MED6: variants seen among roughly 807,000 people sequenced by gnomAD.
The protein encoded by MED6 is mediator of RNA polymerase II transcription subunit 6.
In MED6, 33 loss-of-function variants were observed where a neutral mutation model predicts 37.5. The ratio of observed to expected loss-of-function variants is 0.88; its 90% confidence interval spans 0.67 to 1.18. MED6 has a LOEUF of 1.18. MED6 is among the 50% of genes most tolerant of loss of function. The pLI, the probability that MED6 is intolerant of heterozygous loss-of-function variation, is 0.00. For synonymous variants in MED6, 94 were observed against 93.6 expected (o/e 1.00, Z -0.02); for missense variants, 235 against 290.6 (o/e 0.81, Z 1.39).
intron 5 of MED6, chr14:70,591,864 T>C (rs1884880752): frequency 6.6e-6 from 1 of 152,140 alleles, no homozygotes; most frequent in Admixed American, 6.6e-5. Context: ...AAACAGAAAA[T>C]TATGAAGACA....
intron 2 of MED6, 130 bp from the exon 3 acceptor site, chr14:70,596,832 T>A (rs563041505): frequency 6.3e-6 from 4 of 630,844 alleles, no homozygotes; most frequent in Non-Finnish European, 1.1e-5. Context: ...TTTGGTGTTA[T>A]AATCTGGCTG....
At chr14:70,593,923 A>G (rs1277371968) in intron 3 of MED6, among the ~76,000 whole-genome samples, 6 of 152,168 alleles carry the variant, frequency 3.9e-5, no homozygotes, top group Admixed American at 3.9e-4. Flanking sequence ...TAGTGAGGCT[A>G]CTGCCGTCTT....
chr14:70,598,349 C>T (rs150192674), intron 1 of MED6, among the ~76,000 whole-genome samples: 7,563 of 152,032 alleles, frequency 0.05, 365 homozygotes, highest in African/African-American at 0.13. Flanking sequence ...GTGGTGGACA[C>T]CTGTAATCCT....
intron 3 of MED6, 115 bp downstream of exon 3, chr14:70,596,496 T>A (rs1287626590): frequency 2.9e-6 from 2 of 692,360 alleles, no homozygotes; most frequent in Non-Finnish European, 4.9e-6. Flanking sequence ...TGAACATGTA[T>A]GTGGTCTTGG....
chr14:70,597,942 G>T (rs997581696), intron 1 of MED6, 165 bp from the exon 2 acceptor site: 1 of 438,842 alleles, frequency 2.3e-6, no homozygotes, highest in Admixed American at 4.6e-5. Context: ...ATGCAAGAAA[G>T]CAATAACATG....
chr14:70,592,245 G>A (rs1392828146), intron 5 of MED6, among the ~76,000 whole-genome samples: 1 of 152,184 alleles, frequency 6.6e-6, no homozygotes, highest in Non-Finnish European at 1.5e-5. Flanking sequence ...GATGAAGACA[G>A]TAGCAGATTA....
At chr14:70,595,713 G>A (rs1885024138) in intron 3 of MED6, 4 of 760,800 alleles carry the variant, frequency 5.3e-6, no homozygotes, top group Non-Finnish European at 9.3e-6. Context: ...CTTCAATCTT[G>A]GTGACGCCCT....
chr14:70,587,700 T>C (rs1884750655), intron 6 of MED6, among the ~76,000 whole-genome samples: 1 of 152,228 alleles, frequency 6.6e-6, no homozygotes, highest in South Asian at 2.1e-4. Context: ...GATGGGGATA[T>C]ATAACAAGAG....
At chr14:70,588,452 G>A (rs540517672) in intron 6 of MED6, among the ~76,000 whole-genome samples, 4 of 152,158 alleles carry the variant, frequency 2.6e-5, no homozygotes, top group South Asian at 2.1e-4. Flanking sequence ...TTGGGAGGCC[G>A]AGATGGGCAG....
chr14:70,591,218 G>T, intron 6 of MED6, 48 bp downstream of exon 6: 1 of 1,318,302 alleles, frequency 7.6e-7, no homozygotes, highest in Non-Finnish European at 1.1e-6. Context: ...TAATATATAT[G>T]CCATAAAGAA....
intron 3 of MED6, chr14:70,595,677 CG>C: frequency 1.1e-6 from 1 of 936,078 alleles, no homozygotes; most frequent in Non-Finnish European, 1.7e-6. Context: ...CACCACCTAC[CG>C]CCGCCTGCTG....
intron 3 of MED6, 161 bp downstream of exon 3, chr14:70,596,450 C>A (rs1885048920): frequency 7.3e-6 from 4 of 548,620 alleles, no homozygotes; most frequent in Non-Finnish European, 1.3e-5. Flanking sequence ...TAAGTACAAC[C>A]ATATGCTAAG....
At chr14:70,595,300 A>G (rs150875546) in intron 3 of MED6, 8 of 546,398 alleles carry the variant, frequency 1.5e-5, no homozygotes, top group African/African-American at 7.5e-5. Context: ...GAGACATCCT[A>G]ATACGAAGAG....
At chr14:70,596,028 C>A (rs772931499) in intron 3 of MED6, among the ~76,000 whole-genome samples, 2 of 152,160 alleles carry the variant, frequency 1.3e-5, no homozygotes, top group Non-Finnish European at 2.9e-5. Context: ...CTCCAAGAGT[C>A]CTGGTATCCA....
chr14:70,583,783 G>T lies in MED6; in HGVS notation c.*1030C>A, dbSNP rs968773022. 8 of 264,116 alleles carry T rather than the reference G, an allele frequency of 3.0e-5. No individual in the cohort carries two copies. The highest frequency in any genetic ancestry group is 4.9e-5 in the Non-Finnish European group (7 of 141,980). The allele number at this position is 264,116 out of a possible 1,614,324, so 16.4% of individuals were successfully genotyped here. A position where few individuals can be genotyped will look rare whatever the true frequency, so the allele number is the denominator to read the frequency against. On this transcript the variant is annotated 3_prime_UTR_variant, in exon 8 of 8. Coordinates refer to ENST00000256379, the MANE Select transcript of MED6 (RefSeq NM_005466.4). Reference sequence around the variant, plus strand: ...ATAATAAAGTAAAATTGTACGAAAGGAATGATTAAAGTACAGTTTTAAAAG... The same window carrying T: ...ATAATAAAGTAAAATTGTACGAAAGTAATGATTAAAGTACAGTTTTAAAAG...
intron 1 of MED6, among the ~76,000 whole-genome samples, chr14:70,598,136 A>C (rs1885099082): frequency 6.6e-6 from 1 of 152,066 alleles, no homozygotes; most frequent in Non-Finnish European, 1.5e-5. Context: ...CTCTACTAAA[A>C]ATACAAAATT....
chr14:70,593,535 T>A (rs1884948412), intron 3 of MED6, among the ~76,000 whole-genome samples, 157 bp from the exon 4 acceptor site: 1 of 152,232 alleles, frequency 6.6e-6, no homozygotes, highest in African/African-American at 2.4e-5. Context: ...CCACATCCAA[T>A]CATTTACATA....
At chr14:70,595,716 G>A (rs1885024505) in intron 3 of MED6, 11 of 745,918 alleles carry the variant, frequency 1.5e-5, no homozygotes, top group Non-Finnish European at 2.4e-5. Context: ...CAATCTTGGT[G>A]ACGCCCTGGA....
chr14:70,592,999 G>C lies in MED6; in HGVS notation c.358-11C>G, dbSNP rs1264693481. ...ATGCACTGCAGTAAGCTTGTAAAAG[G>C]AAAATAAACTCTAAATTTATCATTA... On this transcript the variant is annotated splice_polypyrimidine_tract_variant and intron_variant, in intron 4 of 7. Transcript: ENST00000256379. 1 of 1,612,720 alleles carries C rather than the reference G, an allele frequency of 6.2e-7. No individual in the cohort carries two copies. The highest frequency in any genetic ancestry group is 1.1e-5 in the South Asian group (1 of 91,028).
Sources: gnomAD v4.1 joint callset for allele counts (sites outside exome capture counted in the v4.1 genomes callset) on GRCh38, gnomAD v4.1.1 for gene constraint, MANE v1.5 for transcripts, NCBI Gene and HGNC (gene_info 2026-07-23, HGNC 2026-07-21) for gene names.